MRTFB: variants seen among roughly 807,000 people sequenced by gnomAD.
The protein encoded by MRTFB is myocardin-related transcription factor B.
MRTFB carries 29 observed loss-of-function variants against 104.2 expected under a neutral mutation model. The ratio of observed to expected loss-of-function variants is 0.28; its 90% confidence interval spans 0.21 to 0.38. The LOEUF (loss-of-function observed/expected upper bound fraction) is 0.38, where lower values mean the gene tolerates loss of function less well. MRTFB is among the 10% of genes least tolerant of loss of function. The pLI is 1.00. For synonymous variants in MRTFB, 535 were observed against 519.5 expected (o/e 1.03, Z -0.41); for missense variants, 1,270 against 1,341.6 (o/e 0.95, Z 0.83).
At chr16:14,129,594 T>C (rs1362525509) in intron 2 of MRTFB, among the ~76,000 whole-genome samples, 1 of 152,200 alleles carries the variant, frequency 6.6e-6, no homozygotes, top group Non-Finnish European at 1.5e-5. Context: ...ATGGTAAAAT[T>C]ATGTTTAACA....
At chr16:14,203,804 GAAAAA>G (rs908323645) in intron 3 of MRTFB, among the ~76,000 whole-genome samples, 10 of 46,574 alleles carry the variant, frequency 2.1e-4, no homozygotes, top group South Asian at 7.5e-4. Flanking sequence ...ACTCTGTCTC[GAAAAA>G]AAAAAAAAAA....
intron 8 of MRTFB, among the ~76,000 whole-genome samples, chr16:14,220,838 T>C (rs1051049279): frequency 6.6e-6 from 1 of 152,220 alleles, no homozygotes; most frequent in Non-Finnish European, 1.5e-5. Flanking sequence ...AGTTCCTATG[T>C]ATACATTCAA....
At chr16:14,200,114 C>T (rs2040615498) in intron 3 of MRTFB, 4 of 614,190 alleles carry the variant, frequency 6.5e-6, no homozygotes, top group East Asian at 2.9e-5. Flanking sequence ...GTTTTAAGGG[C>T]GTGTTCCATT....
At chr16:14,146,054 A>C (rs1334237687) in intron 3 of MRTFB, among the ~76,000 whole-genome samples, 18 of 152,248 alleles carry the variant, frequency 1.2e-4, no homozygotes. Context: ...GTTTTAAGTC[A>C]TTGCCAGTAT....
At chr16:14,196,623 C>T (rs980794344) in intron 3 of MRTFB, among the ~76,000 whole-genome samples, 5 of 152,130 alleles carry the variant, frequency 3.3e-5, no homozygotes, top group African/African-American at 1.2e-4. Context: ...CTCCCTTTTT[C>T]ATCAGAAAAT....
At chr16:14,143,824 G>A (rs1475984176) in intron 3 of MRTFB, 1 of 151,888 alleles carries the variant, frequency 6.6e-6, no homozygotes, top group Non-Finnish European at 1.5e-5. Context: ...TTAGAATTTG[G>A]CTTTTTTTAA....
At chr16:14,022,290 A>G in the MRTFB span, among the ~76,000 whole-genome samples, 1 of 152,198 alleles carries the variant, frequency 6.6e-6, no homozygotes, top group Non-Finnish European at 1.5e-5. Context: ...TTGTGAGCAA[A>G]TCCCTGAGTT....
chr16:14,022,185 G>A, the MRTFB span, among the ~76,000 whole-genome samples: 4 of 152,158 alleles, frequency 2.6e-5, no homozygotes, highest in African/African-American at 9.7e-5. Context: ...GAGGCTAGTA[G>A]AGTCTACATG....
chr16:14,039,760 C>CTTTTTTTTT, the MRTFB span, among the ~76,000 whole-genome samples: 3 of 121,940 alleles, frequency 2.5e-5, no homozygotes, highest in African/African-American at 6.1e-5. Context: ...ATAATATGTT[C>CTTTTTTTTT]TTTTTTTTTT....
At chr16:14,080,337 T>G (rs992844706) in intron 2 of MRTFB, among the ~76,000 whole-genome samples, 1 of 152,234 alleles carries the variant, frequency 6.6e-6, no homozygotes, top group Middle Eastern at 3.2e-3. Context: ...TATGTAACTT[T>G]TTTCCAAATT....
chr16:14,136,736 G>T (rs2037740171), intron 2 of MRTFB, among the ~76,000 whole-genome samples: 1 of 151,604 alleles, frequency 6.6e-6, no homozygotes, highest in South Asian at 2.1e-4. Context: ...AAAAATGAAA[G>T]TGTAATGCCT....
At chr16:14,212,134 T>C (rs551912418) in intron 4 of MRTFB, among the ~76,000 whole-genome samples, 11 of 152,364 alleles carry the variant, frequency 7.2e-5, no homozygotes, top group African/African-American at 2.6e-4. Context: ...TCATTTTGTA[T>C]ACAATCGTGT....
intron 1 of MRTFB, among the ~76,000 whole-genome samples, chr16:14,076,619 C>T (rs2034075085): frequency 6.6e-6 from 1 of 152,182 alleles, no homozygotes; most frequent in Non-Finnish European, 1.5e-5. Context: ...TAACCTTGTG[C>T]ACATATTATT....
chr16:14,258,043 A>C (rs1450746641), intron 15 of MRTFB, 58 bp from the exon 16 acceptor site: 1 of 1,440,660 alleles, frequency 6.9e-7, no homozygotes, highest in African/African-American at 1.4e-5. Context: ...ACTGCTAATT[A>C]TATAATGCTT....
chr16:14,088,549 T>G (rs958683859), intron 2 of MRTFB, among the ~76,000 whole-genome samples: 4 of 152,194 alleles, frequency 2.6e-5, no homozygotes, highest in African/African-American at 7.2e-5. Flanking sequence ...AACGCTACTT[T>G]ATGAGCACCC....
the MRTFB span, among the ~76,000 whole-genome samples, chr16:14,006,880 G>A: frequency 6.6e-6 from 1 of 151,968 alleles, no homozygotes; most frequent in African/African-American, 2.4e-5. Context: ...AGCTGGGTAT[G>A]GTGGCAAATG....
chr16:14,224,585 A>G (rs2041912368), intron 8 of MRTFB, among the ~76,000 whole-genome samples: 4 of 151,650 alleles, frequency 2.6e-5, no homozygotes, highest in African/African-American at 9.7e-5. Context: ...AAAAGCAGCA[A>G]GAGAAAAGTG....
chr16:14,013,635 G>A, the MRTFB span, among the ~76,000 whole-genome samples: 1 of 152,204 alleles, frequency 6.6e-6, no homozygotes, highest in African/African-American at 2.4e-5. Context: ...TTGTAATCTT[G>A]CCTTTAAATA....
intron 8 of MRTFB, among the ~76,000 whole-genome samples, chr16:14,221,962 G>T (rs1390282256): frequency 6.6e-6 from 1 of 151,662 alleles, no homozygotes; most frequent in Non-Finnish European, 1.5e-5. Context: ...TTGTATTTTT[G>T]TAGAGACAGG....
Sources: gnomAD v4.1 joint callset for allele counts (sites outside exome capture counted in the v4.1 genomes callset) on GRCh38, gnomAD v4.1.1 for gene constraint, MANE v1.5 for transcripts, NCBI Gene and HGNC (gene_info 2026-07-23, HGNC 2026-07-21) for gene names.